The following PRSS48 variants were observed in gnomAD, a reference collection of about 807,000 sequenced individuals.
The protein encoded by PRSS48 is serine protease 48, also known as epidermis-specific serine protease-like protein.
PRSS48 carries 21 observed loss-of-function variants against 25.6 expected under a neutral mutation model. That is an observed-to-expected ratio of 0.82 (90% CI 0.58 to 1.18). PRSS48 has a LOEUF of 1.18. PRSS48 is among the 50% of genes most tolerant of loss of function. The pLI is 0.00. For missense variants in PRSS48, 373 were observed against 399.3 expected, an observed-to-expected ratio of 0.93 and a Z score of 0.56; for synonymous variants, 150 against 149.3, an observed-to-expected ratio of 1.00 and a Z score of -0.04.
chr4:151,283,275 G>A, exon 4 of PRSS48: 1 of 1,613,520 alleles, frequency 6.2e-7, no homozygotes, highest in Non-Finnish European at 8.5e-7. Flanking sequence ...AAACATGAAG[G>A]ATAGTTGCAA....
At chr4:151,283,980 T>C (rs1774499336) in intron 4 of PRSS48, among the ~76,000 whole-genome samples, 2 of 152,238 alleles carry the variant, frequency 1.3e-5, no homozygotes. Context: ...GTTGTTTTGC[T>C]CTGGCTGCTT....
intron 4 of PRSS48, among the ~76,000 whole-genome samples, chr4:151,288,714 G>A (rs1402467718): frequency 1.3e-5 from 2 of 152,000 alleles, no homozygotes; most frequent in African/African-American, 4.8e-5. Context: ...GTATTTCCAT[G>A]CAGTTGCAAT....
At chr4:151,280,008 T>G in intron 2 of PRSS48, 50 bp downstream of exon 2, 1 of 1,258,884 alleles carries the variant, frequency 7.9e-7, no homozygotes, top group Non-Finnish European at 1.0e-6. Flanking sequence ...AGTGAATATT[T>G]GCATCACTTC....
chr4:151,288,708 T>G (rs912735329), intron 4 of PRSS48, among the ~76,000 whole-genome samples: 1 of 152,118 alleles, frequency 6.6e-6, no homozygotes, highest in Non-Finnish European at 1.5e-5. Context: ...GCAACTGTAT[T>G]TCCATGCAGT....
chr4:151,278,743 G>T (rs1773891511), intron 1 of PRSS48, among the ~76,000 whole-genome samples: 1 of 151,606 alleles, frequency 6.6e-6, no homozygotes, highest in African/African-American at 2.4e-5. Context: ...CAATCCTCCT[G>T]CTTCAGCCTC....
intron 1 of PRSS48, 110 bp from the exon 2 acceptor site, chr4:151,279,686 G>T: frequency 9.9e-7 from 1 of 1,014,914 alleles, no homozygotes. Context: ...TGGTGTCTAG[G>T]GAGGGTTCAG....
chr4:151,282,798 C>T (rs1192324215), intron 3 of PRSS48, among the ~76,000 whole-genome samples: 1 of 151,654 alleles, frequency 6.6e-6, no homozygotes, highest in African/African-American at 2.4e-5. Flanking sequence ...GATCTAGAAG[C>T]AAAAAACATG....
At chr4:151,285,700 C>G (rs905613035) in intron 4 of PRSS48, among the ~76,000 whole-genome samples, 4 of 151,888 alleles carry the variant, frequency 2.6e-5, no homozygotes, top group African/African-American at 9.7e-5. Context: ...GACCTTGTCT[C>G]TACTAAAAAT....
rs772130284 is a variant in PRSS48, at chr4:151,283,200, G to A, written c.565G>A (p.Gly189Ser). 1.4e-5 allele frequency: 22 copies of A among 1,613,666 alleles called. No homozygotes were observed. In the Admixed American group the frequency reaches 1.5e-4, roughly 11 times the overall value. The stretch of plus-strand genomic sequence containing the variant: ...TTGTGAACAGCTCTACAATCCCATC[G>A]GTATCTTCTTGCCAGCACTGGAGCC... The change falls in exon 4 of 5, where the codon GGT becomes AGT. Residue 189 changes from glycine to serine, a missense_variant. Coordinates refer to ENST00000455694, the Ensembl canonical transcript of PRSS48.
intron 4 of PRSS48, among the ~76,000 whole-genome samples, chr4:151,284,782 C>T (rs6815615): frequency 0.021 from 3,242 of 152,258 alleles, 126 homozygotes; most frequent in African/African-American, 0.074. Context: ...CTTGGCTGAC[C>T]TCAAAATCCA....
At chr4:151,291,476 C>A (rs951273728), downstream of PRSS48, 28 of 1,441,790 alleles carry the variant, frequency 1.9e-5, no homozygotes, top group East Asian at 4.6e-5. Context: ...CCACTGCTAA[C>A]CCTGGGTGAC....
chr4:151,277,422 C>T (rs1003835432), intron 1 of PRSS48, among the ~76,000 whole-genome samples, 198 bp downstream of exon 1: 9 of 152,138 alleles, frequency 5.9e-5, no homozygotes, highest in African/African-American at 1.9e-4. Context: ...CACACACCCA[C>T]AAGATCCCTA....
chr4:151,284,717 C>G (rs1774575357), intron 4 of PRSS48, among the ~76,000 whole-genome samples: 1 of 152,046 alleles, frequency 6.6e-6, no homozygotes, highest in Non-Finnish European at 1.5e-5. Context: ...GTAGGGAGTA[C>G]AGATTGTTAT....
At chr4:151,278,787 T>G (rs6836540) in intron 1 of PRSS48, among the ~76,000 whole-genome samples, 1,618 of 152,276 alleles carry the variant, frequency 0.011, 31 homozygotes, top group African/African-American at 0.037. Context: ...TGCACCATCA[T>G]GTCAGGCTAA....
At chr4:151,286,663 T>C (rs1774821409) in intron 4 of PRSS48, among the ~76,000 whole-genome samples, 1 of 150,558 alleles carries the variant, frequency 6.6e-6, no homozygotes, top group Non-Finnish European at 1.5e-5. Context: ...CATTGATGAA[T>C]TCTACCAAAC....
intron 3 of PRSS48, 108 bp downstream of exon 3, chr4:151,282,521 C>A (rs916800189): frequency 3.7e-6 from 4 of 1,079,128 alleles, no homozygotes; most frequent in African/African-American, 3.2e-5. Context: ...TCAACAAAAC[C>A]AGATCAATCT....
At chr4:151,289,494 C>T (rs1240914435) in intron 4 of PRSS48, among the ~76,000 whole-genome samples, 6 of 152,066 alleles carry the variant, frequency 3.9e-5, no homozygotes, top group Non-Finnish European at 4.4e-5. Context: ...GGATCTGTAT[C>T]TAGAAAAAAG....
At chr4:151,282,404 G>C (rs1252518355) in exon 3 of PRSS48, 2 of 1,613,820 alleles carry the variant, frequency 1.2e-6, no homozygotes, top group South Asian at 1.1e-5. Flanking sequence ...AAAAGTTAAG[G>C]AAAGTTCAGG....
chr4:151,289,790 T>C (rs1396055651), intron 4 of PRSS48, among the ~76,000 whole-genome samples: 2 of 152,122 alleles, frequency 1.3e-5, no homozygotes, highest in African/African-American at 4.8e-5. Context: ...TACAAAAACT[T>C]GCACGTGAGC....
Sources: gnomAD v4.1 joint callset for allele counts (sites outside exome capture counted in the v4.1 genomes callset) on GRCh38, gnomAD v4.1.1 for gene constraint, MANE v1.5 for transcripts, NCBI Gene and HGNC (gene_info 2026-07-23, HGNC 2026-07-21) for gene names.